NCEH1: variants seen among roughly 807,000 people sequenced by gnomAD.
The protein encoded by NCEH1 is 2-acetyl MAGE hydrolase.
Under a neutral mutation model 25.4 loss-of-function variants are expected in NCEH1, and 9 were observed. The ratio of observed to expected loss-of-function variants is 0.35; its 90% CI spans 0.21 to 0.62. NCEH1 has a LOEUF of 0.62. Ranked by LOEUF, NCEH1 falls within the 20% of genes least tolerant of loss-of-function variation. The pLI, the probability that NCEH1 is intolerant of heterozygous loss-of-function variation, is 0.72. For missense variants in NCEH1, 412 were observed against 501.1 expected, an observed-to-expected ratio of 0.82 and a Z score of 1.70; for synonymous variants, 200 against 199.8, an observed-to-expected ratio of 1.00 and a Z score of -0.01.
chr3:172,656,863 G>T (rs960216635), intron 1 of NCEH1, among the ~76,000 whole-genome samples: 7 of 152,020 alleles, frequency 4.6e-5, no homozygotes, highest in Non-Finnish European at 1.0e-4. Context: ...TATCCATTAG[G>T]CTCACCAATG....
At chr3:172,645,192 C>G (rs2108494798) in intron 3 of NCEH1, among the ~76,000 whole-genome samples, 1 of 152,230 alleles carries the variant, frequency 6.6e-6, no homozygotes, top group Non-Finnish European at 1.5e-5. Context: ...ACTAACCACA[C>G]CATTAAAATT....
At position 172,710,856 on chromosome 3, in the gene NCEH1, T is replaced by G; in HGVS notation, c.129A>C (p.Ala43=). Residue 43 remains alanine, a synonymous_variant, in exon 1 of 5, where the codon GCA becomes GCC. Coordinates refer to ENST00000475381, the MANE Select transcript of NCEH1 (RefSeq NM_020792.6). ...LMLLDATFRG[A]QQVSNLIHYL... Reference sequence around the variant, plus strand: ...CTGGGCTGCACCTCACCACTTGCTGTGCACCCCGGAAAGTGGCGTCCAGCA... The same window carrying G: ...CTGGGCTGCACCTCACCACTTGCTGGGCACCCCGGAAAGTGGCGTCCAGCA... The G allele has an allele frequency of 6.2e-7, 1 of 1,614,004 alleles. No individual in the cohort carries two copies. Among genetic ancestry groups the G allele is most frequent in the Non-Finnish European group, 8.5e-7 (1 of 1,180,020 alleles).
chr3:172,674,443 C>CAA (rs146923940), intron 1 of NCEH1, among the ~76,000 whole-genome samples: 146 of 70,792 alleles, frequency 2.1e-3, no homozygotes, highest in Middle Eastern at 7.4e-3. Context: ...ACTCTGTCTC[C>CAA]AAAAAAAAAA....
chr3:172,634,913 C>T (rs1716533700), intron 4 of NCEH1, among the ~76,000 whole-genome samples: 1 of 152,184 alleles, frequency 6.6e-6, no homozygotes, highest in South Asian at 2.1e-4. Context: ...TATGACTGCT[C>T]TCCAAAAGCA....
Position 172,633,459 on chromosome 3 carries a change from TG to T in NCEH1, c.*15del, listed in dbSNP as rs751594654. Reference sequence around the variant, plus strand: ...GAGGTCAAGAGGGGCTCGAGGCTTCTGGAAGTTTTGCTCCTTTACAGGTTTT... The same window carrying T: ...GAGGTCAAGAGGGGCTCGAGGCTTCTGAAGTTTTGCTCCTTTACAGGTTTT... On this transcript the variant is annotated 3_prime_UTR_variant, in exon 5 of 5. Transcript: ENST00000475381. 7 of 1,604,522 alleles carry T rather than the reference TG, an allele frequency of 4.4e-6. No homozygotes were observed. Among genetic ancestry groups the T allele is most frequent in the Admixed American group, 1.7e-5 (1 of 59,338 alleles).
intron 1 of NCEH1, among the ~76,000 whole-genome samples, chr3:172,662,051 T>G (rs1717997353): frequency 6.6e-6 from 1 of 152,192 alleles, no homozygotes; most frequent in African/African-American, 2.4e-5. Context: ...TGTGCCAGTT[T>G]TTAAAGGGAA....
chr3:172,696,290 TAAG>T (rs933629992), intron 1 of NCEH1, among the ~76,000 whole-genome samples: 10 of 110,504 alleles, frequency 9.0e-5, no homozygotes, highest in African/African-American at 2.8e-4. Flanking sequence ...CAGCCCATGT[TAAG>T]AAGATCTACA....
At chr3:172,693,445 T>C (rs371994518) in intron 1 of NCEH1, among the ~76,000 whole-genome samples, 1 of 146,104 alleles carries the variant, frequency 6.8e-6, no homozygotes, top group East Asian at 2.0e-4. Flanking sequence ...GCCAATCTTC[T>C]AAAGCCTGAA....
At chr3:172,662,535 G>A (rs1210400681) in intron 1 of NCEH1, among the ~76,000 whole-genome samples, 1 of 152,198 alleles carries the variant, frequency 6.6e-6, no homozygotes, top group Non-Finnish European at 1.5e-5. Context: ...GTTTCAGAAG[G>A]AATGGTACCA....
At chr3:172,651,777 T>G (rs1717415602) in intron 1 of NCEH1, among the ~76,000 whole-genome samples, 1 of 152,156 alleles carries the variant, frequency 6.6e-6, no homozygotes, top group Non-Finnish European at 1.5e-5. Flanking sequence ...AAGGCTGTTT[T>G]CGAACTCCTG....
chr3:172,658,843 T>C (rs1163675997), intron 1 of NCEH1, among the ~76,000 whole-genome samples: 1 of 43,306 alleles, frequency 2.3e-5, no homozygotes, highest in Non-Finnish European at 4.0e-5. Context: ...TCCAAAACTT[T>C]TTTTTTTTTT....
At chr3:172,674,612 G>C (rs1316066526) in intron 1 of NCEH1, among the ~76,000 whole-genome samples, 1 of 151,976 alleles carries the variant, frequency 6.6e-6, no homozygotes, top group Non-Finnish European at 1.5e-5. Flanking sequence ...TTATACATGG[G>C]ATTGCATTTG....
intron 1 of NCEH1, among the ~76,000 whole-genome samples, chr3:172,677,669 C>A (rs1345561669): frequency 6.6e-6 from 1 of 152,238 alleles, no homozygotes; most frequent in Non-Finnish European, 1.5e-5. Flanking sequence ...CGGCTCACGC[C>A]TGTAATCCCG....
At chr3:172,636,125 C>T in intron 3 of NCEH1, 38 bp from the exon 4 acceptor site, 1 of 1,486,602 alleles carries the variant, frequency 6.7e-7, no homozygotes, top group South Asian at 1.3e-5. Context: ...AAGGCCTTCT[C>T]CAATTTTGGG....
chr3:172,654,553 T>C (rs1717603639), intron 1 of NCEH1, among the ~76,000 whole-genome samples: 2 of 152,238 alleles, frequency 1.3e-5, no homozygotes, highest in Admixed American at 1.3e-4. Flanking sequence ...CCTGAAATTG[T>C]TGCAGGTTAA....
intron 1 of NCEH1, among the ~76,000 whole-genome samples, chr3:172,695,008 A>C (rs1713279917): frequency 6.6e-6 from 1 of 152,238 alleles, no homozygotes; most frequent in Non-Finnish European, 1.5e-5. Flanking sequence ...GCTATATCCA[A>C]GTACTAGCAC....
chr3:172,660,287 C>T (rs1217086299), intron 1 of NCEH1, among the ~76,000 whole-genome samples: 2 of 152,100 alleles, frequency 1.3e-5, no homozygotes, highest in Non-Finnish European at 2.9e-5. Flanking sequence ...CATCCATGTC[C>T]CTACAAAGGA....
chr3:172,671,828 A>T (rs1449120341), intron 1 of NCEH1, among the ~76,000 whole-genome samples: 1 of 152,222 alleles, frequency 6.6e-6, no homozygotes. Context: ...CAGATCACAT[A>T]TATGAGGGTG....
chr3:172,675,729 C>G (rs149595246), intron 1 of NCEH1, among the ~76,000 whole-genome samples: 1 of 152,166 alleles, frequency 6.6e-6, no homozygotes, highest in Non-Finnish European at 1.5e-5. Context: ...GCATGCTGTT[C>G]TCAAGGAAAA....
Sources: allele counts gnomAD v4.1 joint callset (sites outside exome capture counted in the v4.1 genomes callset), GRCh38; gene constraint gnomAD v4.1.1; transcripts MANE v1.5; gene names NCBI Gene and HGNC (gene_info 2026-07-23, HGNC 2026-07-21).